The following MAST4 variants were observed in gnomAD, a reference collection of about 807,000 sequenced individuals.
The protein encoded by MAST4 is microtubule associated serine/threonine kinase family member 4.
In MAST4, 89 loss-of-function variants were observed where a neutral mutation model predicts 162.7. The ratio of observed to expected loss-of-function variants is 0.55; its 90% CI spans 0.46 to 0.65. The LOEUF (loss-of-function observed/expected upper bound fraction) is 0.65, where lower values mean the gene tolerates loss of function less well. Among genes scored for constraint, MAST4 ranks in the 30% least tolerant of loss-of-function variants. The pLI, the probability that MAST4 is intolerant of heterozygous loss-of-function variation, is 0.00. For missense variants in MAST4, 3,153 were observed against 3,374.0 expected, an observed-to-expected ratio of 0.93 and a Z score of 1.62; for synonymous variants, 1,479 against 1,361.1, an observed-to-expected ratio of 1.09 and a Z score of -1.91.
intron 4 of MAST4, among the ~76,000 whole-genome samples, chr5:66,917,594 C>CT (rs59415824): frequency 0.24 from 30,811 of 127,742 alleles, 3,407 homozygotes; most frequent in Admixed American, 0.27. Flanking sequence ...GATTCTCTTT[C>CT]TTTTTTTTTT....
chr5:66,741,956 A>G (rs1752498266), intron 1 of MAST4, among the ~76,000 whole-genome samples: 1 of 152,216 alleles, frequency 6.6e-6, no homozygotes, highest in Non-Finnish European at 1.5e-5. Flanking sequence ...GAGTTGATCT[A>G]CTGTAAGTTC....
At chr5:67,087,924 C>T (rs1269423638) in intron 5 of MAST4, among the ~76,000 whole-genome samples, 3 of 152,150 alleles carry the variant, frequency 2.0e-5, no homozygotes, top group Non-Finnish European at 4.4e-5. Context: ...AATGTTCAAG[C>T]AATGGACCTA....
chr5:66,650,985 T>A (rs936357110), intron 1 of MAST4, among the ~76,000 whole-genome samples: 3 of 152,122 alleles, frequency 2.0e-5, no homozygotes, highest in African/African-American at 4.8e-5. Flanking sequence ...TGGCAAAGGG[T>A]GTGGCTACAT....
intron 14 of MAST4, among the ~76,000 whole-genome samples, chr5:67,121,903 C>T (rs1003204328): frequency 7.2e-5 from 11 of 151,768 alleles, no homozygotes; most frequent in Admixed American, 7.2e-4. Flanking sequence ...TTGCCCTGTC[C>T]CTCAGGCTGG....
chr5:67,037,403 G>A (rs1263345176), intron 4 of MAST4, among the ~76,000 whole-genome samples: 1 of 151,984 alleles, frequency 6.6e-6, no homozygotes, highest in Non-Finnish European at 1.5e-5. Context: ...ATTTTAGGCT[G>A]GTGTGACTCA....
At chr5:66,976,058 CTGTCTGTGCA>C (rs1748105607) in intron 4 of MAST4, among the ~76,000 whole-genome samples, 1 of 152,166 alleles carries the variant, frequency 6.6e-6, no homozygotes, top group African/African-American at 2.4e-5. Flanking sequence ...ATCCATGTGT[CTGTCTGTGCA>C]TGGAGAAGAG....
In MAST4 at chr5:66,792,528, A is replaced by T. The variant is rs150107479; in HGVS notation, c.642+3734A>T. The T allele has an allele frequency of 7.6e-4, 117 of 153,870 alleles. 1 individual carries two copies. The highest frequency in any genetic ancestry group is 7.1e-3 in the East Asian group (37 of 5,188). 9.5% of individuals were successfully genotyped at this position (153,870 alleles called of 1,614,324 possible). ...AATAATGTTGAAGGAATAAATAATT[A>T]TTTATGGAAAAGTGACTTTTTTTTT... On this transcript the variant is annotated intron_variant, in intron 3 of 28. Coordinates refer to ENST00000403625, the MANE Select transcript of MAST4 (RefSeq NM_001164664.2).
At chr5:67,076,338 GT>G (rs1343030970) in intron 5 of MAST4, among the ~76,000 whole-genome samples, 3 of 152,166 alleles carry the variant, frequency 2.0e-5, no homozygotes, top group Non-Finnish European at 4.4e-5. Context: ...GCGTGTGCCA[GT>G]TTTTCCCACA....
intron 5 of MAST4, among the ~76,000 whole-genome samples, chr5:67,085,457 G>T (rs888724074): frequency 1.3e-5 from 2 of 152,188 alleles, no homozygotes; most frequent in African/African-American, 4.8e-5. Context: ...TAGAGTAGAT[G>T]ATTAGTAAAT....
intron 1 of MAST4, among the ~76,000 whole-genome samples, chr5:66,665,804 T>C (rs1483085365): frequency 6.6e-6 from 1 of 152,230 alleles, no homozygotes; most frequent in Non-Finnish European, 1.5e-5. Flanking sequence ...TGGGATGGTA[T>C]ATTAGTATCT....
intron 3 of MAST4, among the ~76,000 whole-genome samples, chr5:66,797,908 C>A (rs890716106): frequency 3.3e-5 from 5 of 152,112 alleles, no homozygotes; most frequent in Non-Finnish European, 7.4e-5. Flanking sequence ...GGCAGAGGAA[C>A]CACCTGAAAA....
chr5:66,610,518 C>T (rs1461073976), intron 1 of MAST4, among the ~76,000 whole-genome samples: 1 of 151,886 alleles, frequency 6.6e-6, no homozygotes, highest in African/African-American at 2.4e-5. Flanking sequence ...TACCTGGCCC[C>T]GAGCATCACC....
intron 1 of MAST4, among the ~76,000 whole-genome samples, chr5:66,751,143 T>A (rs1753135219): frequency 6.6e-6 from 1 of 152,086 alleles, no homozygotes; most frequent in Admixed American, 6.6e-5. Flanking sequence ...AAAACCCATC[T>A]GTACATCACC....
rs1306602196 is a variant in MAST4, at chr5:66,648,077, TGTGTGTGAGAGA to T, written c.363+51061_363+51072del. ...GTGTGTGTGTGTGTGTGTGTGTGTG[TGTGTGTGAGAGA>T]GAGAGAGAGAGAGAGATTTAGTATT... On this transcript the variant is annotated intron_variant, in intron 1 of 28. Transcript: ENST00000403625. Among the ~76,000 whole-genome samples the T allele has an allele frequency of 7.8e-3, 773 of 98,906 alleles. 3 individuals are homozygous for T. Among genetic ancestry groups the T allele is most frequent in the Middle Eastern group, 0.037 (7 of 190 alleles). 64.9% of individuals were successfully genotyped at this position (98,906 alleles called of 152,430 possible).
chr5:67,024,507 A>G (rs1054334426), intron 4 of MAST4, among the ~76,000 whole-genome samples: 14 of 151,766 alleles, frequency 9.2e-5, no homozygotes, highest in Admixed American at 4.6e-4. Flanking sequence ...ATACACATTC[A>G]AAAGACTTTC....
At chr5:66,739,983 C>A (rs1034213345) in intron 1 of MAST4, among the ~76,000 whole-genome samples, 2 of 151,752 alleles carry the variant, frequency 1.3e-5, no homozygotes, top group South Asian at 4.2e-4. Flanking sequence ...AGGGCTATAC[C>A]GGGGAATTAA....
At position 66,596,840 on chromosome 5, in the gene MAST4, A is replaced by AGCT; in HGVS notation, c.187_188insTGC (p.Gln62_Pro63insLeu). On this transcript the variant is annotated inframe_insertion, in exon 1 of 29. Transcript: ENST00000403625. ...CCCGGCGGCTTCTCCAGAGAGCATC[A>AGCT]GCCGCCGCCGCCGCCGCCGTTGGGA... is the stretch of plus-strand genomic sequence containing the variant. 8.0e-7 allele frequency: 1 copy of AGCT among 1,242,996 alleles called. No homozygotes were observed. The highest frequency in any genetic ancestry group is 1.0e-6 in the Non-Finnish European group (1 of 990,274). 77.0% of individuals were successfully genotyped at this position (1,242,996 alleles called of 1,614,324 possible).
intron 20 of MAST4, 87 bp from the exon 21 acceptor site, chr5:67,142,334 A>T: frequency 6.5e-7 from 1 of 1,535,878 alleles, no homozygotes; most frequent in Non-Finnish European, 8.9e-7. Context: ...GTTCTTAAAC[A>T]TAATGTTGAT....
chr5:66,768,294 G>T (rs1196900681), intron 2 of MAST4, among the ~76,000 whole-genome samples: 2 of 152,200 alleles, frequency 1.3e-5, no homozygotes, highest in Non-Finnish European at 2.9e-5. Context: ...GCTGAAGAAG[G>T]TGTTTGGAGG....
Sources: allele counts gnomAD v4.1 joint callset (sites outside exome capture counted in the v4.1 genomes callset), GRCh38; gene constraint gnomAD v4.1.1; transcripts MANE v1.5; gene names NCBI Gene and HGNC (gene_info 2026-07-23, HGNC 2026-07-21).